The following ANO4 variants were observed in gnomAD, a reference collection of about 807,000 sequenced individuals.
The protein encoded by ANO4 is anoctamin-4.
A neutral mutation model predicts 141.9 loss-of-function variants in ANO4; 69 were observed. That is an observed-to-expected ratio of 0.49 (90% CI 0.40 to 0.59). The LOEUF is 0.59. Ranked by LOEUF, ANO4 falls within the 20% of genes least tolerant of loss-of-function variation. The pLI, the probability that ANO4 is intolerant of heterozygous loss-of-function variation, is 0.00. For synonymous variants in ANO4, 350 were observed against 394.3 expected (o/e 0.89, Z 1.33); for missense variants, 894 against 1,162.2 (o/e 0.77, Z 3.36).
intron 3 of ANO4, among the ~76,000 whole-genome samples, chr12:100,784,345 C>A (rs1460182230): frequency 2.0e-5 from 3 of 152,150 alleles, no homozygotes; most frequent in Non-Finnish European, 4.4e-5. Flanking sequence ...ACCCCTTGTC[C>A]CCTTTTGGAA....
intron 17 of ANO4, among the ~76,000 whole-genome samples, chr12:101,093,636 CACAA>C (rs2049864867): frequency 6.6e-6 from 1 of 152,120 alleles, no homozygotes; most frequent in Non-Finnish European, 1.5e-5. Flanking sequence ...CACACGCACA[CACAA>C]ACACACATAC....
chr12:100,939,462 A>G lies in ANO4; in HGVS notation c.297+11A>G. On this transcript the variant is annotated intron_variant, in intron 4 of 27. Transcript: ENST00000392977. ...GAAGCCGGGGGAGAGGTAAGAGTAT[A>G]TGATTTCTTACAAATGTAATTCGTG... The G allele has an allele frequency of 1.2e-6, 2 of 1,611,010 alleles. No homozygotes were observed. Among genetic ancestry groups the G allele is most frequent in the Non-Finnish European group, 1.7e-6 (2 of 1,178,006 alleles).
At chr12:100,798,705 C>T (rs2034498046) in intron 1 of ANO4, among the ~76,000 whole-genome samples, 2 of 152,164 alleles carry the variant, frequency 1.3e-5, no homozygotes, top group South Asian at 4.1e-4. Flanking sequence ...CAAATCACAG[C>T]CCCAAAATAA....
chr12:100,900,410 C>T (rs751989902), intron 1 of ANO4, among the ~76,000 whole-genome samples: 4 of 152,010 alleles, frequency 2.6e-5, no homozygotes, highest in Middle Eastern at 3.4e-3. Flanking sequence ...CTCATTAACT[C>T]GTCATTTACA....
intron 14 of ANO4, among the ~76,000 whole-genome samples, chr12:101,067,836 A>G (rs1215710950): frequency 6.6e-6 from 1 of 152,272 alleles, no homozygotes; most frequent in East Asian, 1.9e-4. Context: ...ACAATTTCTT[A>G]ATAATTGAAC....
chr12:100,883,532 G>A (rs1284569217), intron 1 of ANO4, among the ~76,000 whole-genome samples: 1 of 152,244 alleles, frequency 6.6e-6, no homozygotes, highest in African/African-American at 2.4e-5. Context: ...ATGCCAATGG[G>A]TTTTGGGATA....
At chr12:100,896,106 A>C (rs370136709) in intron 1 of ANO4, among the ~76,000 whole-genome samples, 5 of 152,238 alleles carry the variant, frequency 3.3e-5, no homozygotes, top group African/African-American at 1.2e-4. Context: ...ACTTTGGAAA[A>C]TGCCCACTGT....
exon 2 of ANO4, chr12:100,733,817 G>A (rs779743416): frequency 2.8e-5 from 20 of 701,998 alleles, no homozygotes; most frequent in African/African-American, 2.3e-4. Flanking sequence ...CCTCTGCAAC[G>A]ACGGGCAGCT....
intron 8 of ANO4, among the ~76,000 whole-genome samples, chr12:100,991,069 G>A (rs879660131): frequency 1.3e-5 from 2 of 152,176 alleles, no homozygotes; most frequent in Non-Finnish European, 2.9e-5. Context: ...ACCTCAGTGG[G>A]ACCAAGAGAA....
At chr12:101,067,770 AAGG>A (rs1398597237) in intron 14 of ANO4, among the ~76,000 whole-genome samples, 4 of 152,230 alleles carry the variant, frequency 2.6e-5, no homozygotes, top group African/African-American at 9.7e-5. Context: ...GCTGATTTTA[AAGG>A]AGATTTCCAT....
At chr12:100,933,032 T>C (rs943948948) in intron 3 of ANO4, among the ~76,000 whole-genome samples, 4 of 152,064 alleles carry the variant, frequency 2.6e-5, no homozygotes, top group African/African-American at 9.7e-5. Context: ...ACACAGCCCT[T>C]CCTGGGTCTG....
At chr12:100,930,027 A>G (rs759006993) in intron 3 of ANO4, among the ~76,000 whole-genome samples, 100 of 152,008 alleles carry the variant, frequency 6.6e-4, no homozygotes, top group Non-Finnish European at 1.1e-3. Flanking sequence ...TATTTGGATT[A>G]TTAGATGTTT....
At chr12:100,797,215 A>C (rs1298417825) in intron 1 of ANO4, among the ~76,000 whole-genome samples, 3 of 151,428 alleles carry the variant, frequency 2.0e-5, no homozygotes, top group Non-Finnish European at 2.9e-5. Context: ...TACTTAAAAA[A>C]TTGTTGTAGC....
intron 1 of ANO4, among the ~76,000 whole-genome samples, chr12:100,899,563 A>G (rs1266946705): frequency 3.3e-5 from 5 of 152,164 alleles, no homozygotes; most frequent in African/African-American, 1.2e-4. Context: ...AGTTTGTTTT[A>G]ATGATTTCCT....
At chr12:101,037,315 C>T (rs2047239461) in intron 10 of ANO4, among the ~76,000 whole-genome samples, 165 bp downstream of exon 10, 1 of 152,156 alleles carries the variant, frequency 6.6e-6, no homozygotes, top group Middle Eastern at 3.2e-3. Flanking sequence ...ATCTCTTCCT[C>T]AGCATAGACT....
At chr12:101,003,021 T>C (rs1182198955) in intron 8 of ANO4, among the ~76,000 whole-genome samples, 3 of 152,142 alleles carry the variant, frequency 2.0e-5, no homozygotes, top group Non-Finnish European at 4.4e-5. Flanking sequence ...CTCAGCCCTC[T>C]CTCCTATTGC....
chr12:100,942,811 C>T (rs1250113552), intron 5 of ANO4, among the ~76,000 whole-genome samples: 5 of 152,150 alleles, frequency 3.3e-5, no homozygotes, highest in Admixed American at 1.3e-4. Flanking sequence ...TAACTTCCTA[C>T]GTCTGCCATT....
chr12:101,027,197 C>T (rs765216758), intron 9 of ANO4, among the ~76,000 whole-genome samples: 4 of 152,188 alleles, frequency 2.6e-5, no homozygotes, highest in African/African-American at 9.7e-5. Flanking sequence ...CGTGGGAAAC[C>T]GTGCTTTTTT....
At chr12:100,991,465 G>C (rs1003223812) in intron 8 of ANO4, among the ~76,000 whole-genome samples, 2 of 140,546 alleles carry the variant, frequency 1.4e-5, no homozygotes, top group African/African-American at 5.3e-5. Context: ...TAATAGAAAT[G>C]TAAGTGTGTT....
Sources: gnomAD v4.1 joint callset for allele counts (sites outside exome capture counted in the v4.1 genomes callset) on GRCh38, gnomAD v4.1.1 for gene constraint, MANE v1.5 for transcripts, NCBI Gene and HGNC (gene_info 2026-07-23, HGNC 2026-07-21) for gene names.